Variants in FANCA observed in about 807,000 individuals in gnomAD.
FANCA encodes the protein FA complementation group A.
Under a neutral mutation model 194.3 loss-of-function variants are expected in FANCA, and 236 were observed. That is an observed-to-expected ratio of 1.21 (90% CI 1.09 to 1.35). FANCA has a LOEUF of 1.35. Ranked by LOEUF, FANCA falls within the 40% of genes most tolerant of loss-of-function variation. FANCA has a pLI of 0.00. For synonymous variants in FANCA, 1,014 were observed against 715.8 expected (o/e 1.42, Z -6.65); for missense variants, 2,628 against 1,813.9 (o/e 1.45, Z -8.15).
chr16:89,776,657 G>A (rs985968409), intron 20 of FANCA, among the ~76,000 whole-genome samples: 1 of 151,446 alleles, frequency 6.6e-6, no homozygotes, highest in Non-Finnish European at 1.5e-5. Flanking sequence ...GAAACCCTGT[G>A]TCTACTAAAA....
At chr16:89,755,302 C>A (rs1464304806) in intron 30 of FANCA, among the ~76,000 whole-genome samples, 1 of 151,848 alleles carries the variant, frequency 6.6e-6, no homozygotes, top group Middle Eastern at 3.2e-3. Flanking sequence ...CCTCCGCCTC[C>A]CAGGTTCAAG....
At position 89,816,531 on chromosome 16, in the gene FANCA, A is replaced by G. The variant is rs1242535596; in HGVS notation, c.79+6T>C. ...CCCACTCCCGCGGCCTGCCGCGCCC[A>G]CCTACCCAGCAGCTCGGCCCAGGCC... On this transcript the variant is annotated splice_donor_region_variant and intron_variant, in intron 1 of 42. Coordinates refer to ENST00000389301, the MANE Select transcript of FANCA (RefSeq NM_000135.4). 4 of 1,491,166 alleles carry G rather than the reference A, an allele frequency of 2.7e-6. No homozygotes were observed. The highest frequency in any genetic ancestry group is 2.7e-6 in the Non-Finnish European group (3 of 1,127,534). 92.4% of individuals were successfully genotyped at this position (1,491,166 alleles called of 1,614,324 possible). A position where few individuals can be genotyped will look rare whatever the true frequency, so the allele number is the denominator to read the frequency against.
At chr16:89,814,419 C>A (rs1026222598) in intron 3 of FANCA, 101 bp downstream of exon 3, 17 of 890,826 alleles carry the variant, frequency 1.9e-5, no homozygotes, top group South Asian at 7.6e-5. Context: ...GGAAACCCAT[C>A]GCCTGAGAAA....
chr16:89,743,663 A>C (rs974029049), intron 36 of FANCA, among the ~76,000 whole-genome samples: 5 of 151,792 alleles, frequency 3.3e-5, no homozygotes, highest in African/African-American at 9.7e-5. Flanking sequence ...GTCTCTACTA[A>C]AAATACAAAA....
At position 89,773,253 on chromosome 16, in the gene FANCA, G is replaced by A. The variant is rs758580921; in HGVS notation, c.2014+18C>T. On this transcript the variant is annotated intron_variant, in intron 22 of 42. Transcript: ENST00000389301. ...GCTGCACACATGAGACACAGCATGA[G>A]CTCCCATCCATCCTCACCATCACGC... 2 of 1,529,378 alleles carry A rather than the reference G, an allele frequency of 1.3e-6. No individual in the cohort carries two copies. The highest frequency in any genetic ancestry group is 1.8e-6 in the Non-Finnish European group (2 of 1,128,442). The allele number at this position is 1,529,378 out of a possible 1,614,324, so 94.7% of individuals were successfully genotyped here.
chr16:89,782,035 G>T (rs1199247880), intron 17 of FANCA, among the ~76,000 whole-genome samples: 1 of 151,678 alleles, frequency 6.6e-6, no homozygotes, highest in East Asian at 1.9e-4. Flanking sequence ...TTTCATTAGT[G>T]ACCCACACAT....
chr16:89,759,209 A>G (rs1297116035), intron 29 of FANCA, among the ~76,000 whole-genome samples: 1 of 150,072 alleles, frequency 6.7e-6, no homozygotes, highest in East Asian at 2.0e-4. Flanking sequence ...AGTCCCAGCT[A>G]CTCAGGAGGC....
At chr16:89,782,250 G>GCCTGTAA (rs1239015126) in intron 17 of FANCA, among the ~76,000 whole-genome samples, 1 of 148,000 alleles carries the variant, frequency 6.8e-6, no homozygotes, top group Non-Finnish European at 1.5e-5. Context: ...GGTGGCGGGC[G>GCCTGTAA]CCTGTAATCC....
chr16:89,815,542 G>A (rs528693352), intron 2 of FANCA, among the ~76,000 whole-genome samples: 5 of 151,820 alleles, frequency 3.3e-5, no homozygotes, highest in African/African-American at 1.2e-4. Context: ...TTTCAGTAGA[G>A]ACCGGGTTTC....
intron 5 of FANCA, among the ~76,000 whole-genome samples, chr16:89,810,399 T>C (rs1377386898): frequency 6.6e-6 from 1 of 152,196 alleles, no homozygotes; most frequent in Admixed American, 6.5e-5. Flanking sequence ...ATACATTTTT[T>C]TTTAATAGTT....
rs868273545 is a variant in FANCA at position 89,742,802 on chromosome 16, CCT to C, written c.3761_3762del (p.Glu1254GlyfsTer23). On this transcript the variant is annotated frameshift_variant, in exon 37 of 43. Transcript: ENST00000389301. LOFTEE classifies it high-confidence loss of function. ...AGTAAAAGAATTTCCTATCTTGCCT[CCT>C]CTCTCTCGCAGTCCAGCTTCTTTAG... ...KQLKKLDCER[E>X]ELLVFLFFFS... The C allele has an allele frequency of 1.2e-6, 2 of 1,613,956 alleles. No individual in the cohort carries two copies. The highest frequency in any genetic ancestry group is 1.3e-5 in the African/African-American group (1 of 74,904).
At chr16:89,788,573 G>GA (rs1355783407) in intron 14 of FANCA, among the ~76,000 whole-genome samples, 1 of 152,192 alleles carries the variant, frequency 6.6e-6, no homozygotes, top group Non-Finnish European at 1.5e-5. Context: ...AAGGTGCGGG[G>GA]ATCGCATGAG....
chr16:89,777,304 C>A (rs1334874073), intron 20 of FANCA, among the ~76,000 whole-genome samples: 2 of 152,142 alleles, frequency 1.3e-5, no homozygotes, highest in Non-Finnish European at 1.5e-5. Flanking sequence ...ACTGTTGAAG[C>A]CCAGGAGGTC....
intron 2 of FANCA, 102 bp downstream of exon 2, chr16:89,815,775 C>T (rs558510152): frequency 2.0e-6 from 2 of 984,422 alleles, no homozygotes; most frequent in Admixed American, 1.7e-5. Context: ...CAGGCCACCG[C>T]GCCCGCCGCC....
rs199637047 is a variant in FANCA at position 89,754,752 on chromosome 16, A to G, written c.2982-2530T>C. On this transcript the variant is annotated intron_variant, in intron 30 of 42. Transcript: ENST00000389301. Reference sequence around the variant, plus strand: ...TAATAAATGACTAGAGCCAATGAATATACAAGAATCACTGGTGTTTCTATA... The same window carrying G: ...TAATAAATGACTAGAGCCAATGAATGTACAAGAATCACTGGTGTTTCTATA... 2.0e-5 allele frequency among the ~76,000 whole-genome samples: 3 copies of G among 152,202 alleles called. No homozygotes were observed. In the East Asian group the frequency reaches 5.8e-4, roughly 29 times the overall value.
intron 38 of FANCA, chr16:89,740,454 G>A (rs995646849): frequency 8.8e-6 from 4 of 457,066 alleles, no homozygotes; most frequent in African/African-American, 3.9e-5. Context: ...TGGCAATATG[G>A]TGAAACCCCG....
At chr16:89,765,614 C>T (rs549752025) in intron 27 of FANCA, among the ~76,000 whole-genome samples, 7 of 152,356 alleles carry the variant, frequency 4.6e-5, no homozygotes, top group African/African-American at 1.4e-4. Context: ...CCAGGAATGG[C>T]GTTCCCACCA....
Position 89,803,483 on chromosome 16 carries a change from A to C in FANCA, c.710-142T>G, listed in dbSNP as rs578086873. ...ACCCCTGTGAGCTGCTCCTAACCTG[A>C]GGAACGCTGCAGAAGTTACTGCTCA... is the stretch of plus-strand genomic sequence containing the variant. On this transcript the variant is annotated intron_variant, in intron 7 of 42. Coordinates refer to ENST00000389301, the MANE Select transcript of FANCA (RefSeq NM_000135.4). The C allele has an allele frequency of 4.6e-4, 348 of 754,940 alleles. 5 individuals carry two copies. Among genetic ancestry groups the C allele is most frequent in the Non-Finnish European group, 4.2e-5 (18 of 427,792 alleles). The allele number at this position is 754,940 out of a possible 1,614,324, so 46.8% of individuals were successfully genotyped here. A position where few individuals can be genotyped will look rare whatever the true frequency, so the allele number is the denominator to read the frequency against.
In FANCA at chr16:89,812,595, G is replaced by C. The variant is rs149426430; in HGVS notation, c.284-1524C>G. Among the ~76,000 whole-genome samples the C allele has an allele frequency of 3.6e-5, 5 of 138,286 alleles. No individual in the cohort carries two copies. In the Admixed American group the frequency reaches 3.9e-4, roughly 11 times the overall value. The allele number at this position is 138,286 out of a possible 152,430, so 90.7% of individuals were successfully genotyped here. A position where few individuals can be genotyped will look rare whatever the true frequency, so the allele number is the denominator to read the frequency against. On this transcript the variant is annotated intron_variant, in intron 3 of 42. Transcript: ENST00000389301. ...AGGGAGGCAGAGGTTGCGGTGAGTC[G>C]AGATCACACCATTGCACTCCAGCCT...
Sources: allele counts gnomAD v4.1 joint callset (sites outside exome capture counted in the v4.1 genomes callset), GRCh38; gene constraint gnomAD v4.1.1; transcripts MANE v1.5; gene names NCBI Gene and HGNC (gene_info 2026-07-23, HGNC 2026-07-21).